The following MVP variants were observed in gnomAD, a reference collection of about 807,000 sequenced individuals.
MVP encodes major vault protein.
In MVP, 62 loss-of-function variants were observed where a neutral mutation model predicts 83.5. That is an observed-to-expected ratio of 0.74 (90% CI 0.61 to 0.92). MVP has a LOEUF of 0.92. MVP is among the 40% of genes least tolerant of loss of function. MVP has a pLI of 0.00. For missense variants in MVP, 1,000 were observed against 1,203.4 expected (o/e 0.83, Z 2.50); for synonymous variants, 505 against 504.1 (o/e 1.00, Z -0.02).
chr16:29,846,294 G>A lies in MVP; in HGVS notation c.2265+10G>A, dbSNP rs1194702056. On this transcript the variant is annotated intron_variant, in intron 13 of 14. Transcript: ENST00000357402. ...CTTGGCCATTGAAACGGTGAGTGGG[G>A]GGAGGCATTAAGAAGAGGGTGGCCT... The A allele has an allele frequency of 1.3e-6, 2 of 1,553,316 alleles. No individual in the cohort carries two copies. The highest frequency in any genetic ancestry group is 1.7e-6 in the Non-Finnish European group (2 of 1,147,520).
chr16:29,823,682 T>C (rs1332874297), intron 1 of MVP, among the ~76,000 whole-genome samples: 1 of 151,540 alleles, frequency 6.6e-6, no homozygotes, highest in East Asian at 2.0e-4. Context: ...TGAAACCCCA[T>C]CTCTACTAAA....
Position 29,841,506 on chromosome 16 carries a change from T to C in MVP, c.1192-90T>C. ...AGGTGTTTAACCTCGTGGCGCGCCT[T>C]CCCTGGATGGGCTCTGCTTTGGGAC... On this transcript the variant is annotated intron_variant, in intron 8 of 14. Transcript: ENST00000357402. The surrounding 1 kb of genome is among the most constrained non-coding windows in gnomAD (Gnocchi z 4.7). The C allele has an allele frequency of 6.7e-7, 1 of 1,482,426 alleles. No individual in the cohort carries two copies. Among genetic ancestry groups the C allele is most frequent in the Non-Finnish European group, 9.0e-7 (1 of 1,113,758 alleles). 91.8% of individuals were successfully genotyped at this position (1,482,426 alleles called of 1,614,324 possible).
intron 1 of MVP, among the ~76,000 whole-genome samples, chr16:29,821,727 T>C (rs1485950400): frequency 6.6e-6 from 1 of 152,240 alleles, no homozygotes; most frequent in Non-Finnish European, 1.5e-5. Flanking sequence ...TGGGCAAATT[T>C]CTTAACTTGC....
chr16:29,843,603 A>AGGGAGGGAGGGAGGGAG (rs2067556201), intron 10 of MVP, among the ~76,000 whole-genome samples: 1 of 40,752 alleles, frequency 2.5e-5, no homozygotes, highest in Non-Finnish European at 4.9e-5. Context: ...GGAGGGAGGG[A>AGGGAGGGAGGGAGGGAG]GGGTCAGGCG....
intron 3 of MVP, 112 bp downstream of exon 3, chr16:29,831,185 T>C: frequency 1.9e-6 from 2 of 1,074,314 alleles, no homozygotes; most frequent in Non-Finnish European, 2.6e-6. Context: ...AGGCAGAGTT[T>C]CACTCTTGTC....
At chr16:29,832,292 C>CTTTTTT (rs36059297) in intron 3 of MVP, among the ~76,000 whole-genome samples, 23 of 107,276 alleles carry the variant, frequency 2.1e-4, no homozygotes, top group African/African-American at 3.2e-4. Context: ...ATTCTTGTAC[C>CTTTTTT]TTTTTTTTTT....
At chr16:29,846,656 A>G (rs988777530) in intron 13 of MVP, among the ~76,000 whole-genome samples, 3 of 152,140 alleles carry the variant, frequency 2.0e-5, no homozygotes, top group African/African-American at 7.2e-5. Flanking sequence ...TCAGGAGTTC[A>G]AGACCAGCTT....
chr16:29,834,275 C>T, intron 5 of MVP: 1 of 618,230 alleles, frequency 1.6e-6, no homozygotes, highest in Non-Finnish European at 2.7e-6. Context: ...TGACCATGAC[C>T]ATGCGGATGT....
At position 29,846,284 on chromosome 16, in the gene MVP, G is replaced by A. The variant is rs762576648; in HGVS notation, c.2265G>A (p.Thr755=). 7 of 1,557,920 alleles carry A rather than the reference G, an allele frequency of 4.5e-6. No homozygotes were observed. Among genetic ancestry groups the A allele is most frequent in the East Asian group, 2.4e-5 (1 of 41,568 alleles). ...KLKAQALAIE[T]EAELQRVQKV... ...AAGCACAGGCCTTGGCCATTGAAAC[G>A]GTGAGTGGGGGGAGGCATTAAGAAG... The change falls in exon 13 of 15, where the codon ACG becomes ACA. Residue 755 remains threonine (T), a splice_region_variant and synonymous_variant. Transcript: ENST00000357402.
chr16:29,832,777 A>G (rs1027994596), intron 3 of MVP, among the ~76,000 whole-genome samples: 1 of 150,426 alleles, frequency 6.6e-6, no homozygotes, highest in African/African-American at 2.4e-5. Context: ...CATTTTAAAT[A>G]TGTTCAGCCG....
chr16:29,833,405 T>C, intron 3 of MVP: 1 of 269,502 alleles, frequency 3.7e-6, no homozygotes, highest in Non-Finnish European at 7.1e-6. Flanking sequence ...CAAGTGATCC[T>C]CCCACCTCAG....
chr16:29,825,093 G>C (rs1361459983), intron 1 of MVP, among the ~76,000 whole-genome samples: 1 of 152,152 alleles, frequency 6.6e-6, no homozygotes, highest in Admixed American at 6.5e-5. Flanking sequence ...CTTTGGACAG[G>C]CTATTTAGTT....
chr16:29,826,496 A>T (rs2067405235), intron 1 of MVP, among the ~76,000 whole-genome samples: 1 of 152,020 alleles, frequency 6.6e-6, no homozygotes, highest in Non-Finnish European at 1.5e-5. Flanking sequence ...GTGTGGCAGT[A>T]CGTATCTACA....
At chr16:29,833,881 C>T in intron 4 of MVP, 25 bp downstream of exon 4, 2 of 1,614,072 alleles carry the variant, frequency 1.2e-6, no homozygotes, top group East Asian at 2.2e-5. Context: ...CATAGGGCTC[C>T]CTGCCTTCCT....
At chr16:29,844,939 T>C (rs1044699327) in intron 11 of MVP, 60 bp downstream of exon 11, 32 of 1,537,212 alleles carry the variant, frequency 2.1e-5, no homozygotes, top group Non-Finnish European at 2.7e-5. Flanking sequence ...TGCTGGGAAC[T>C]GGATAACCTG....
intron 1 of MVP, among the ~76,000 whole-genome samples, chr16:29,823,293 TA>T (rs1433441382): frequency 6.6e-6 from 1 of 151,572 alleles, no homozygotes; most frequent in Non-Finnish European, 1.5e-5. Context: ...ACCTAGCTAA[TA>T]TTTTTTATGG....
intron 1 of MVP, among the ~76,000 whole-genome samples, chr16:29,828,505 T>C (rs1270744840): frequency 6.6e-6 from 1 of 152,044 alleles, no homozygotes; most frequent in Non-Finnish European, 1.5e-5. Flanking sequence ...TCAGCCCCCC[T>C]AGTAGCTGGG....
At chr16:29,824,490 TGTG>T (rs1280710787) in intron 1 of MVP, among the ~76,000 whole-genome samples, 1 of 152,054 alleles carries the variant, frequency 6.6e-6, no homozygotes, top group Non-Finnish European at 1.5e-5. Context: ...AGGGGCCAGG[TGTG>T]GTGGTTCACG....
At chr16:29,830,479 C>T in intron 1 of MVP, 36 bp from the exon 2 acceptor site, 2 of 1,573,896 alleles carry the variant, frequency 1.3e-6, no homozygotes, top group Non-Finnish European at 1.7e-6. Context: ...CCCAGGCTCC[C>T]CAGGTTCATC....
Sources: gnomAD v4.1 joint callset for allele counts (sites outside exome capture counted in the v4.1 genomes callset) on GRCh38, gnomAD v4.1.1 for gene constraint, Gnocchi (gnomAD v3.1) non-coding constraint, MANE v1.5 for transcripts, NCBI Gene and HGNC (gene_info 2026-07-23, HGNC 2026-07-21) for gene names.